YARS1: variants seen among roughly 807,000 people sequenced by gnomAD.
YARS1 encodes tyrosyl-tRNA synthetase 1, also known as tyrosine--tRNA ligase, cytoplasmic.
A neutral mutation model predicts 62.2 loss-of-function variants in YARS1; 36 were observed. The ratio of observed to expected loss-of-function variants is 0.58; its 90% CI spans 0.44 to 0.76. The LOEUF is 0.76. Among genes scored for constraint, YARS1 ranks in the 30% least tolerant of loss-of-function variants. The pLI is 0.00. For synonymous variants in YARS1, 234 were observed against 244.9 expected (o/e 0.96, Z 0.42); for missense variants, 524 against 639.8 (o/e 0.82, Z 1.95).
In YARS1 at chr1:32,779,453, C is replaced by A; in HGVS notation, c.1405G>T (p.Val469Leu). The change falls in exon 12 of 13, where the codon GTG becomes TTG. Residue 469 changes from valine (V) to leucine (L), a missense_variant. Coordinates refer to ENST00000373477, the MANE Select transcript of YARS1 (RefSeq NM_003680.4). ...AGSAPGEHVF[V>L]KGYEKGQPDE... Reference sequence around the variant, plus strand: ...GGTTGGCCCTTTTCATAGCCCTTCACAAACACGTGCTCACCAGGAGCAGAG... The same window carrying A: ...GGTTGGCCCTTTTCATAGCCCTTCAAAAACACGTGCTCACCAGGAGCAGAG... 1 of 1,614,210 alleles carries A rather than the reference C, an allele frequency of 6.2e-7. No homozygotes were observed. Among genetic ancestry groups the A allele is most frequent in the Non-Finnish European group, 8.5e-7 (1 of 1,180,032 alleles).
rs1557442867 is a variant in YARS1, at chr1:32,776,041, G to A, written c.1527C>T (p.Asn509=). ...EECIAQWKQT[N]FMTKLGSISC... The stretch of plus-strand genomic sequence containing the variant: ...AAATGGAGCCCAGCTTGGTCATGAA[G>A]TTGGTTTGCTTCCACTGTGCGATGC... The change falls in exon 13 of 13, where the codon AAC becomes AAT. Residue 509 remains asparagine (N), a synonymous_variant. Coordinates refer to ENST00000373477, the MANE Select transcript of YARS1 (RefSeq NM_003680.4). This position sits in a 1 kb window ranked among gnomAD's most constrained non-coding sequence, Gnocchi z 4.0. 6 of 1,614,050 alleles carry A rather than the reference G, an allele frequency of 3.7e-6. No individual in the cohort carries two copies. The Admixed American group carries it at 6.7e-5, about 18-fold the overall frequency.
intron 3 of YARS1, among the ~76,000 whole-genome samples, chr1:32,810,308 T>C (rs1360984550): frequency 6.6e-6 from 1 of 152,228 alleles, no homozygotes; most frequent in East Asian, 1.9e-4. Flanking sequence ...TTGTTCACCA[T>C]CACTCTCCCA....
At chr1:32,778,982 C>T (rs941347262) in intron 12 of YARS1, among the ~76,000 whole-genome samples, 4 of 151,894 alleles carry the variant, frequency 2.6e-5, no homozygotes, top group Non-Finnish European at 5.9e-5. Flanking sequence ...TCAGGTGATC[C>T]GCCTGCCTCG....
At chr1:32,811,443 GC>G in intron 1 of YARS1, 1 of 333,472 alleles carries the variant, frequency 3.0e-6, no homozygotes, top group South Asian at 2.6e-5. Flanking sequence ...ATTACCCTAA[GC>G]CCCAGCATTT....
intron 1 of YARS1, 159 bp from the exon 2 acceptor site, chr1:32,811,216 C>T: frequency 8.9e-7 from 1 of 1,123,654 alleles, no homozygotes; most frequent in Non-Finnish European, 1.3e-6. Flanking sequence ...GATACCCTAC[C>T]TTGTTTTAAT....
chr1:32,777,175 A>T (rs1334885796), intron 12 of YARS1, among the ~76,000 whole-genome samples: 1 of 151,806 alleles, frequency 6.6e-6, no homozygotes, highest in Non-Finnish European at 1.5e-5. Flanking sequence ...GATTACAGGC[A>T]TACGCCACTG....
chr1:32,796,110 T>C (rs1257282093), intron 5 of YARS1, among the ~76,000 whole-genome samples: 5 of 151,720 alleles, frequency 3.3e-5, no homozygotes, highest in African/African-American at 4.8e-5. Flanking sequence ...CTGGCCAACA[T>C]AGTGAAACTC....
chr1:32,779,085 C>T lies in YARS1; in HGVS notation c.1476+297G>A, dbSNP rs114223825. On this transcript the variant is annotated intron_variant, in intron 12 of 12. Transcript: ENST00000373477. ...GACCCTATGTGGCCTTGTCAGGTAT[C>T]CTGCCAGGTAAAATGGGGATAATCT... Among the ~76,000 whole-genome samples the T allele has an allele frequency of 5.2e-3, 799 of 152,216 alleles. 4 individuals are homozygous for T. Among genetic ancestry groups the T allele is most frequent in the Non-Finnish European group, 8.5e-3 (580 of 68,012 alleles).
At chr1:32,792,556 A>G (rs1290753842) in intron 5 of YARS1, among the ~76,000 whole-genome samples, 6 of 122,926 alleles carry the variant, frequency 4.9e-5, no homozygotes, top group African/African-American at 1.8e-4. Context: ...CAGATATTGC[A>G]ATAAATAGAC....
rs1261614646 is a variant in YARS1 at position 32,790,180 on chromosome 1, C to G, written c.684+982G>C. Among the ~76,000 whole-genome samples the G allele has an allele frequency of 5.8e-5, 8 of 138,658 alleles. No individual in the cohort carries two copies. The East Asian group carries it at 1.7e-3, about 30-fold the overall frequency. 91.0% of individuals were successfully genotyped at this position (138,658 alleles called of 152,430 possible). A position where few individuals can be genotyped will look rare whatever the true frequency, so the allele number is the denominator to read the frequency against. ...TTACAGGCGTGAGCCACCACGCAGG[C>G]CTTTTTTTTTTTTTTTTTTTTTAAT... On this transcript the variant is annotated intron_variant, in intron 6 of 12. Coordinates refer to ENST00000373477, the MANE Select transcript of YARS1 (RefSeq NM_003680.4).
In YARS1 at chr1:32,776,164, G is replaced by C. The variant is rs560089591; in HGVS notation, c.1477-73C>G. On this transcript the variant is annotated intron_variant, in intron 12 of 12. Coordinates refer to ENST00000373477, the MANE Select transcript of YARS1 (RefSeq NM_003680.4). The surrounding 1 kb of genome is among the most constrained non-coding windows in gnomAD (Gnocchi z 4.0). ...AAGAAAACCCCCCCTTTTTTGGAGG[G>C]GGGGCAGAGTTTTGCTCTTGTTGCC... 62 of 1,308,066 alleles carry C rather than the reference G, an allele frequency of 4.7e-5. No homozygotes were observed. Among genetic ancestry groups the C allele is most frequent in the South Asian group, 4.3e-4 (34 of 79,904 alleles). 81.0% of individuals were successfully genotyped at this position (1,308,066 alleles called of 1,614,324 possible). A position where few individuals can be genotyped will look rare whatever the true frequency, so the allele number is the denominator to read the frequency against.
At chr1:32,797,083 A>G (rs1653628489) in intron 5 of YARS1, among the ~76,000 whole-genome samples, 1 of 127,758 alleles carries the variant, frequency 7.8e-6, no homozygotes, top group Non-Finnish European at 1.6e-5. Flanking sequence ...ACTATATCAA[A>G]AAACTAAGCC....
chr1:32,805,095 G>A (rs57215825), intron 4 of YARS1, among the ~76,000 whole-genome samples: 21 of 152,028 alleles, frequency 1.4e-4, no homozygotes, highest in African/African-American at 4.8e-4. Context: ...AGGCGTGGCG[G>A]CACGCGCCTG....
chr1:32,782,568 T>C (rs751669550), intron 8 of YARS1, 29 bp from the exon 9 acceptor site: 2 of 1,614,046 alleles, frequency 1.2e-6, no homozygotes, highest in Non-Finnish European at 1.7e-6. Flanking sequence ...CCTAGTGAGA[T>C]AAAGTCTAGA....
intron 1 of YARS1, among the ~76,000 whole-genome samples, chr1:32,814,461 A>T (rs979135182): frequency 6.6e-6 from 1 of 152,102 alleles, no homozygotes; most frequent in African/African-American, 2.4e-5. Context: ...TGCAATCCTG[A>T]GTCACTGCAA....
In YARS1 at chr1:32,776,917, A is replaced by G. The variant is rs1652880777; in HGVS notation, c.1477-826T>C. 6.6e-6 allele frequency among the ~76,000 whole-genome samples: 1 copy of G among 151,758 alleles called. No individual in the cohort carries two copies. The highest frequency in any genetic ancestry group is 2.1e-4 in the South Asian group (1 of 4,788). ...GAGAGGAGGAGGTTGTGGCGGGCCG[A>G]GATCACGCCACCACACTCCAGCCTG... On this transcript the variant is annotated intron_variant, in intron 12 of 12. Transcript: ENST00000373477. This position sits in a 1 kb window ranked among gnomAD's most constrained non-coding sequence, Gnocchi z 4.0.
Position 32,782,380 on chromosome 1 carries a change from C to T in YARS1, c.1042+24G>A, listed in dbSNP as rs752366010. 48 of 1,613,780 alleles carry T rather than the reference C, an allele frequency of 3.0e-5. No homozygotes were observed. The Admixed American group carries it at 3.5e-4, about 12-fold the overall frequency. Reference sequence around the variant, plus strand: ...GACAAGCTCTCTCTCCTGATGATGTCGGCCCCTCTCCAGCTGGCCTTACTC... The same window carrying T: ...GACAAGCTCTCTCTCCTGATGATGTTGGCCCCTCTCCAGCTGGCCTTACTC... On this transcript the variant is annotated intron_variant, in intron 9 of 12. Transcript: ENST00000373477.
chr1:32,809,012 A>G (rs1057072331), intron 3 of YARS1, among the ~76,000 whole-genome samples: 1 of 152,224 alleles, frequency 6.6e-6, no homozygotes, highest in African/African-American at 2.4e-5. Flanking sequence ...GTAAAAATGA[A>G]TAAAATTTCA....
At chr1:32,782,362 T>A in intron 9 of YARS1, 42 bp downstream of exon 9, 1 of 1,613,770 alleles carries the variant, frequency 6.2e-7, no homozygotes, top group Non-Finnish European at 8.5e-7. Context: ...ATTGACAAGC[T>A]CTCTCTCCTG....
Sources: gnomAD v4.1 joint callset for allele counts (sites outside exome capture counted in the v4.1 genomes callset) on GRCh38, gnomAD v4.1.1 for gene constraint, Gnocchi (gnomAD v3.1) non-coding constraint, MANE v1.5 for transcripts, NCBI Gene and HGNC (gene_info 2026-07-23, HGNC 2026-07-21) for gene names.